PTGFR: variants seen among roughly 807,000 people sequenced by gnomAD.
PTGFR encodes prostaglandin F receptor, also known as prostaglandin F2-alpha receptor.
In PTGFR, 15 loss-of-function variants were observed where a neutral mutation model predicts 26.2. That is an observed-to-expected ratio of 0.57 (90% CI 0.38 to 0.88). The LOEUF (loss-of-function observed/expected upper bound fraction) is 0.88, where lower values mean the gene tolerates loss of function less well. Among genes scored for constraint, PTGFR ranks in the 40% least tolerant of loss-of-function variants. The pLI is 0.00. For synonymous variants in PTGFR, 165 were observed against 151.1 expected, an observed-to-expected ratio of 1.09 and a Z score of -0.68; for missense variants, 369 against 427.2, an observed-to-expected ratio of 0.86 and a Z score of 1.20.
intron 2 of PTGFR, chr1:78,532,364 T>TTATA (rs200848855): frequency 0.097 from 8,221 of 84,734 alleles, 770 homozygotes; most frequent in Admixed American, 0.17. Flanking sequence ...GTAAATTCAT[T>TTATA]TATATATATA....
chr1:78,492,498 TGAAAATGAAATGTG>T (rs974144247), intron 1 of PTGFR, among the ~76,000 whole-genome samples, 160 bp from the exon 2 acceptor site: 7 of 152,176 alleles, frequency 4.6e-5, no homozygotes, highest in African/African-American at 1.7e-4. Context: ...TTCTTCACCT[TGAAAATGAAATGTG>T]GAACCGCAGG....
rs537823230 is a variant in PTGFR, at chr1:78,497,408, C to A, written c.798+3867C>A. On this transcript the variant is annotated intron_variant, in intron 2 of 2. Coordinates refer to ENST00000370757, the MANE Select transcript of PTGFR (RefSeq NM_000959.4). ...ATTATAAAATTGTCTCGCGTTCTTC[C>A]TAGATGAATCACTTTTCCTTAACAC... 3.3e-5 allele frequency among the ~76,000 whole-genome samples: 5 copies of A among 152,212 alleles called. No homozygotes were observed. The East Asian group carries it at 7.7e-4, about 23-fold the overall frequency.
At position 78,493,393 on chromosome 1, in the gene PTGFR, T is replaced by C; in HGVS notation, c.650T>C (p.Leu217Ser). 1.2e-6 allele frequency: 2 copies of C among 1,613,854 alleles called. No homozygotes were observed. Among genetic ancestry groups the C allele is most frequent in the Non-Finnish European group, 1.7e-6 (2 of 1,179,914 alleles). ...FLGLLALGVS[L>S]LCNAITGITL... ...GGGCTCTTAGCCCTTGGTGTTTCAT[T>C]GTTGTGCAATGCAATCACAGGAATT... The change falls in exon 2 of 3, where the codon TTG (leucine) becomes TCG (serine). Residue 217 changes from leucine to serine, a missense_variant. Physicochemically the swap from Leu to Ser is moderately radical, Grantham distance 145. Coordinates refer to ENST00000370757, the MANE Select transcript of PTGFR (RefSeq NM_000959.4).
chr1:78,494,126 C>G (rs911549155), intron 2 of PTGFR, among the ~76,000 whole-genome samples: 7 of 152,334 alleles, frequency 4.6e-5, no homozygotes, highest in Admixed American at 1.3e-4. Flanking sequence ...GAGATTCCTC[C>G]CTTTTTGTTT....
In PTGFR at chr1:78,512,725, T is replaced by C. The variant is rs147112134; in HGVS notation, c.798+19184T>C. ...TCCTTCCAAATCTCATGTTAAAATG[T>C]GATTCTCAGCATTAGAGGTGGGGCC... On this transcript the variant is annotated intron_variant, in intron 2 of 2. Coordinates refer to ENST00000370757, the MANE Select transcript of PTGFR (RefSeq NM_000959.4). 1.3e-3 allele frequency among the ~76,000 whole-genome samples: 202 copies of C among 152,262 alleles called. 2 individuals are homozygous for C. Among genetic ancestry groups the C allele is most frequent in the African/African-American group, 4.4e-3 (181 of 41,556 alleles).
chr1:78,510,673 C>T (rs148745134), intron 2 of PTGFR, among the ~76,000 whole-genome samples: 4 of 152,262 alleles, frequency 2.6e-5, no homozygotes, highest in South Asian at 2.1e-4. Context: ...ATATCCTACT[C>T]GTACTGCAAA....
At chr1:78,523,015 A>G (rs980030781) in intron 2 of PTGFR, among the ~76,000 whole-genome samples, 14 of 152,110 alleles carry the variant, frequency 9.2e-5, no homozygotes, top group Non-Finnish European at 1.3e-4. Flanking sequence ...TCTTAACTAC[A>G]TTATAATTAT....
chr1:78,496,620 G>A (rs1220593350), intron 2 of PTGFR, among the ~76,000 whole-genome samples: 1 of 152,178 alleles, frequency 6.6e-6, no homozygotes, highest in East Asian at 1.9e-4. Context: ...TGGTGTTTGT[G>A]CTTGACAGGA....
chr1:78,502,953 G>A (rs1431556455), intron 2 of PTGFR, among the ~76,000 whole-genome samples: 1 of 152,096 alleles, frequency 6.6e-6, no homozygotes, highest in African/African-American at 2.4e-5. Context: ...TTGTGGATGA[G>A]ATTATTCGTG....
intron 2 of PTGFR, among the ~76,000 whole-genome samples, chr1:78,501,043 G>C (rs954610784): frequency 2.6e-5 from 4 of 151,672 alleles, no homozygotes; most frequent in African/African-American, 2.4e-5. Flanking sequence ...AATGCCCAAA[G>C]ATATCATAGA....
intron 2 of PTGFR, among the ~76,000 whole-genome samples, chr1:78,522,602 CTGTTT>C (rs1650273938): frequency 1.3e-5 from 2 of 151,936 alleles, no homozygotes; most frequent in African/African-American, 4.8e-5. Context: ...TATTGTTGTT[CTGTTT>C]TGTTTTGTTT....
At chr1:78,507,960 A>G (rs1383454844) in intron 2 of PTGFR, among the ~76,000 whole-genome samples, 1 of 152,132 alleles carries the variant, frequency 6.6e-6, no homozygotes, top group African/African-American at 2.4e-5. Context: ...TTCTTCATTT[A>G]CTTGTATAAA....
chr1:78,499,500 A>T (rs1215728230), intron 2 of PTGFR, among the ~76,000 whole-genome samples: 2 of 152,204 alleles, frequency 1.3e-5, no homozygotes, highest in Non-Finnish European at 2.9e-5. Context: ...TCTTATGTAA[A>T]GGAGGGCCCA....
chr1:78,530,570 C>T (rs1650481496), intron 2 of PTGFR, among the ~76,000 whole-genome samples: 1 of 152,114 alleles, frequency 6.6e-6, no homozygotes, highest in African/African-American at 2.4e-5. Context: ...AATCTTGACT[C>T]CACCATGTTT....
chr1:78,493,548 G>T lies in PTGFR; in HGVS notation c.798+7G>T. On this transcript the variant is annotated splice_region_variant and intron_variant, in intron 2 of 2. Coordinates refer to ENST00000370757, the MANE Select transcript of PTGFR (RefSeq NM_000959.4). Reference sequence around the variant, plus strand: ...TTGTTGGAGCCCATTTCTGGTAAGAGCCTGAAGTTTTGACTTCTGCTTTCT... The same window carrying T: ...TTGTTGGAGCCCATTTCTGGTAAGATCCTGAAGTTTTGACTTCTGCTTTCT... The T allele has an allele frequency of 6.6e-7, 1 of 1,519,056 alleles. No individual in the cohort carries two copies. Among genetic ancestry groups the T allele is most frequent in the Non-Finnish European group, 8.8e-7 (1 of 1,136,508 alleles). The allele number at this position is 1,519,056 out of a possible 1,614,324, so 94.1% of individuals were successfully genotyped here.
chr1:78,513,713 C>A (rs4417016), intron 2 of PTGFR, among the ~76,000 whole-genome samples: 14,647 of 152,220 alleles, frequency 0.096, 1,320 homozygotes, highest in African/African-American at 0.24. Flanking sequence ...ATATCTGAGA[C>A]AATGGAAAAA....
chr1:78,497,318 C>T lies in PTGFR; in HGVS notation c.798+3777C>T, dbSNP rs140401568. The stretch of plus-strand genomic sequence containing the variant: ...AAAATACAGGAAACTACAACTGACG[C>T]TTATTATCTTACAGTTCCATTTAGC... On this transcript the variant is annotated intron_variant, in intron 2 of 2. Transcript: ENST00000370757. Among the ~76,000 whole-genome samples, 1,378 of 152,190 alleles carry T rather than the reference C, an allele frequency of 9.1e-3. 12 individuals are homozygous for T. Among genetic ancestry groups the T allele is most frequent in the Non-Finnish European group, 0.011 (719 of 67,972 alleles).
At chr1:78,529,703 A>G (rs989845523) in intron 2 of PTGFR, among the ~76,000 whole-genome samples, 16 of 152,218 alleles carry the variant, frequency 1.1e-4, no homozygotes, top group African/African-American at 3.4e-4. Flanking sequence ...AAGTAAAAAC[A>G]AAGTCCAAAA....
At chr1:78,525,044 A>G (rs779303734) in intron 2 of PTGFR, among the ~76,000 whole-genome samples, 5 of 150,548 alleles carry the variant, frequency 3.3e-5, no homozygotes, top group Non-Finnish European at 7.4e-5. Context: ...CCCCATCCCC[A>G]ATTCCAACAT....
Sources: gnomAD v4.1 joint callset for allele counts (sites outside exome capture counted in the v4.1 genomes callset) on GRCh38, gnomAD v4.1.1 for gene constraint, MANE v1.5 for transcripts, NCBI Gene and HGNC (gene_info 2026-07-23, HGNC 2026-07-21) for gene names.